PCDH15: variants seen among roughly 807,000 people sequenced by gnomAD.
PCDH15 encodes the protein protocadherin related 15, also known as protocadherin-15.
PCDH15 carries 129 observed loss-of-function variants against 178.5 expected under a neutral mutation model. The ratio of observed to expected loss-of-function variants is 0.72; its 90% CI spans 0.63 to 0.84. The LOEUF is 0.84. Ranked by LOEUF, PCDH15 falls within the 40% of genes least tolerant of loss-of-function variation. The probability of loss-of-function intolerance (pLI) is 0.00; values close to 1 mark genes in which losing one functional copy is unlikely to be tolerated. For synonymous variants in PCDH15, 800 were observed against 732.0 expected (o/e 1.09, Z -1.50); for missense variants, 2,230 against 2,099.9 (o/e 1.06, Z -1.21).
At chr10:55,025,834 CA>C (rs1243384783) in intron 2 of PCDH15, among the ~76,000 whole-genome samples, 3 of 151,876 alleles carry the variant, frequency 2.0e-5, no homozygotes, top group African/African-American at 7.3e-5. Flanking sequence ...CAACATAAAA[CA>C]GAAAGGTTCC....
intron 13 of PCDH15, among the ~76,000 whole-genome samples, chr10:54,166,898 A>G (rs1017170459): frequency 3.9e-5 from 6 of 152,156 alleles, no homozygotes; most frequent in Non-Finnish European, 5.9e-5. Flanking sequence ...CCTGGCTCAA[A>G]AAGCACCTCC....
At chr10:54,115,219 G>T (rs1221216909) in intron 15 of PCDH15, among the ~76,000 whole-genome samples, 1 of 152,146 alleles carries the variant, frequency 6.6e-6, no homozygotes, top group Non-Finnish European at 1.5e-5. Flanking sequence ...AAAGAGAAAG[G>T]TCAGGGTTCA....
At chr10:53,808,712 C>T (rs751022451) in intron 37 of PCDH15, 1 of 1,612,994 alleles carries the variant, frequency 6.2e-7, no homozygotes, top group Admixed American at 1.7e-5. Context: ...GTGTTGTAAC[C>T]TTCAGAGTTT....
intron 2 of PCDH15, among the ~76,000 whole-genome samples, chr10:55,547,910 T>TGTGAGAGAGGAGAGAGAGA (rs541144266): frequency 1.8e-5 from 1 of 54,508 alleles, no homozygotes; most frequent in East Asian, 5.5e-4. Context: ...TGTGTGTGTG[T>TGTGAGAGAGGAGAGAGAGA]GAGAGAGAGA....
At chr10:54,833,028 A>T (rs1953251034) in intron 3 of PCDH15, among the ~76,000 whole-genome samples, 1 of 152,178 alleles carries the variant, frequency 6.6e-6, no homozygotes, top group Non-Finnish European at 1.5e-5. Flanking sequence ...AGAAAAAAGC[A>T]AAATATATTA....
At chr10:55,122,254 G>A (rs1362487917) in intron 2 of PCDH15, among the ~76,000 whole-genome samples, 1 of 152,054 alleles carries the variant, frequency 6.6e-6, no homozygotes, top group African/African-American at 2.4e-5. Flanking sequence ...AAAACACTCA[G>A]GTATTTGGTT....
chr10:55,489,426 A>G (rs1396502003), intron 2 of PCDH15, among the ~76,000 whole-genome samples: 2 of 151,782 alleles, frequency 1.3e-5, no homozygotes, highest in East Asian at 3.9e-4. Flanking sequence ...TAATTTTTAT[A>G]TTCACTTTTT....
chr10:54,573,486 A>G (rs1276255094), intron 2 of PCDH15, among the ~76,000 whole-genome samples: 1 of 152,200 alleles, frequency 6.6e-6, no homozygotes, highest in Non-Finnish European at 1.5e-5. Context: ...CTAATAATGC[A>G]TGCATTTTGA....
chr10:54,717,888 T>C (rs2095500554), intron 1 of PCDH15, among the ~76,000 whole-genome samples: 1 of 143,750 alleles, frequency 7.0e-6, no homozygotes, highest in South Asian at 2.2e-4. Flanking sequence ...TAAACTGGAT[T>C]AAGAAAATGT....
At chr10:55,378,877 A>ATGTCTCTC (rs1837461050) in intron 2 of PCDH15, among the ~76,000 whole-genome samples, 1 of 124,098 alleles carries the variant, frequency 8.1e-6, no homozygotes, top group Non-Finnish European at 1.8e-5. Context: ...AACTCTCCCC[A>ATGTCTCTC]TCTCTCTCTC....
At chr10:54,827,834 A>C (rs1036084131) in intron 3 of PCDH15, among the ~76,000 whole-genome samples, 8 of 152,128 alleles carry the variant, frequency 5.3e-5, no homozygotes, top group Non-Finnish European at 1.2e-4. Flanking sequence ...CAATATGAGT[A>C]ATTTGGAATG....
intron 2 of PCDH15, among the ~76,000 whole-genome samples, chr10:55,352,601 A>G (rs1303130587): frequency 2.0e-5 from 3 of 152,198 alleles, no homozygotes; most frequent in African/African-American, 7.2e-5. Flanking sequence ...TGAAGCAAAT[A>G]GAAAAGTGAA....
chr10:55,288,894 A>G (rs758212442), intron 1 of PCDH15, among the ~76,000 whole-genome samples: 3 of 149,768 alleles, frequency 2.0e-5, no homozygotes, highest in Non-Finnish European at 4.4e-5. Flanking sequence ...TATATCTAGA[A>G]CTTGGATTGG....
chr10:53,898,157 G>T (rs1214333419), intron 26 of PCDH15, among the ~76,000 whole-genome samples: 2 of 9,992 alleles, frequency 2.0e-4, no homozygotes, highest in South Asian at 6.3e-3. Context: ...TAGTAGAGAC[G>T]GGGGTTTCAC....
chr10:54,345,223 T>C (rs1943047284), intron 6 of PCDH15, among the ~76,000 whole-genome samples: 2 of 152,068 alleles, frequency 1.3e-5, no homozygotes, highest in Non-Finnish European at 2.9e-5. Context: ...TTACTTAACA[T>C]AATGCAATAA....
chr10:54,597,582 AAAAC>A (rs775591851), intron 2 of PCDH15, among the ~76,000 whole-genome samples: 24 of 152,004 alleles, frequency 1.6e-4, no homozygotes, highest in Non-Finnish European at 2.5e-4. Flanking sequence ...AATAACAACA[AAAAC>A]AAACAAACAA....
At chr10:54,998,328 T>A (rs112645616) in intron 2 of PCDH15, among the ~76,000 whole-genome samples, 2 of 152,202 alleles carry the variant, frequency 1.3e-5, no homozygotes, top group African/African-American at 4.8e-5. Context: ...GCATGGCACA[T>A]GTATACATAT....
intron 2 of PCDH15, among the ~76,000 whole-genome samples, chr10:54,988,818 A>G (rs1839433820): frequency 6.6e-6 from 1 of 152,212 alleles, no homozygotes; most frequent in South Asian, 2.1e-4. Context: ...AATTCAAGCC[A>G]GCCACGGAAA....
In PCDH15 at chr10:55,357,827, C is replaced by T. The variant is rs148320960; in HGVS notation, c.-155-191176G>A. 2.7e-3 allele frequency among the ~76,000 whole-genome samples: 415 copies of T among 152,132 alleles called. 5 individuals carry two copies. The highest frequency in any genetic ancestry group is 9.3e-3 in the African/African-American group (386 of 41,548). ...AAATAAAAAGTGCTCAAACTCAATA[C>T]ATCTCTAGTTTCTACTGCCCCCATA... On this transcript the variant is annotated intron_variant, in intron 2 of 5. Transcript: ENST00000613346.
Sources: gnomAD v4.1 joint callset for allele counts (sites outside exome capture counted in the v4.1 genomes callset) on GRCh38, gnomAD v4.1.1 for gene constraint, MANE v1.5 for transcripts, NCBI Gene and HGNC (gene_info 2026-07-23, HGNC 2026-07-21) for gene names.